The following INPP4A variants were observed in gnomAD, a reference collection of about 807,000 sequenced individuals.
The protein encoded by INPP4A is inositol polyphosphate-4-phosphatase type I A.
In INPP4A, 33 loss-of-function variants were observed where a neutral mutation model predicts 119.8. The ratio of observed to expected loss-of-function variants is 0.28; its 90% CI spans 0.21 to 0.37. The LOEUF is 0.37. INPP4A is among the 10% of genes least tolerant of loss of function. The pLI, the probability that INPP4A is intolerant of heterozygous loss-of-function variation, is 1.00. For synonymous variants in INPP4A, 496 were observed against 500.7 expected (o/e 0.99, Z 0.12); for missense variants, 956 against 1,289.9 (o/e 0.74, Z 3.97).
chr2:98,505,439 T>C (rs974391611), intron 1 of INPP4A, among the ~76,000 whole-genome samples: 17 of 152,198 alleles, frequency 1.1e-4, no homozygotes, highest in Non-Finnish European at 2.4e-4. Flanking sequence ...CTGCAGTGCT[T>C]CCTTGTTGAA....
In INPP4A at chr2:98,591,682, T is replaced by TAC. The variant is rs1700411359; in HGVS notation, c.*4074_*4075insAC. 1 of 152,232 alleles carries TAC rather than the reference T, an allele frequency of 6.6e-6. No homozygotes were observed. Among genetic ancestry groups the TAC allele is most frequent in the Admixed American group, 6.5e-5 (1 of 15,276 alleles). 9.4% of individuals were successfully genotyped at this position (152,232 alleles called of 1,614,324 possible). On this transcript the variant is annotated 3_prime_UTR_variant, in exon 25 of 25. Transcript: ENST00000409851. ...TGGCTGCCCAGATCTAGGGGAGTTG[T>TAC]CCCAGGGAGGCTTTGCGCTGGAGGA...
At chr2:98,467,890 A>G (rs1675130412) in intron 1 of INPP4A, among the ~76,000 whole-genome samples, 4 of 152,138 alleles carry the variant, frequency 2.6e-5, no homozygotes, top group Non-Finnish European at 5.9e-5. Context: ...ATAGTTATTT[A>G]TTTCTTGGGA....
At chr2:98,498,090 A>G (rs534376044) in intron 1 of INPP4A, among the ~76,000 whole-genome samples, 3 of 152,258 alleles carry the variant, frequency 2.0e-5, no homozygotes, top group African/African-American at 7.2e-5. Context: ...TTGGGAAGGC[A>G]TGATTGGTTT....
At chr2:98,446,109 A>G (rs1280347354) in intron 1 of INPP4A, among the ~76,000 whole-genome samples, 1 of 152,194 alleles carries the variant, frequency 6.6e-6, no homozygotes, top group Non-Finnish European at 1.5e-5. Flanking sequence ...GGTGTGAATC[A>G]TGGTTCTGCC....
chr2:98,456,496 G>A (rs1336443827), intron 1 of INPP4A, among the ~76,000 whole-genome samples: 1 of 151,792 alleles, frequency 6.6e-6, no homozygotes, highest in Admixed American at 6.6e-5. Flanking sequence ...ACCACACTTG[G>A]CTAATTTTTA....
chr2:98,505,554 CTG>C (rs1424809232), intron 1 of INPP4A, among the ~76,000 whole-genome samples: 1 of 152,218 alleles, frequency 6.6e-6, no homozygotes, highest in African/African-American at 2.4e-5. Context: ...ACAGCGGTGA[CTG>C]TTTCTCAAAA....
rs200658332 is a variant in INPP4A, at chr2:98,529,076, C to CAA, written c.152-4283_152-4282dup. On this transcript the variant is annotated intron_variant, in intron 4 of 24. Transcript: ENST00000409851. ...CCTGGGCAACAGAGCGAGACTGTCT[C>CAA]AAAAAAAAAAAAAAAAAAATTTCTA... 1.6e-3 allele frequency among the ~76,000 whole-genome samples: 150 copies of CAA among 94,906 alleles called. 1 individual carries two copies. The highest frequency in any genetic ancestry group is 5.6e-3 in the African/African-American group (138 of 24,464). 62.3% of individuals were successfully genotyped at this position (94,906 alleles called of 152,430 possible).
intron 1 of INPP4A, among the ~76,000 whole-genome samples, chr2:98,471,538 A>G (rs1468553617): frequency 6.6e-6 from 1 of 152,120 alleles, no homozygotes; most frequent in Non-Finnish European, 1.5e-5. Context: ...TTGCTTTTGA[A>G]CAGAAGTCTG....
chr2:98,459,236 G>A (rs1178480803), intron 1 of INPP4A, among the ~76,000 whole-genome samples: 1 of 152,210 alleles, frequency 6.6e-6, no homozygotes, highest in Admixed American at 6.5e-5. Flanking sequence ...CCTGCACCTG[G>A]GAAAATCAGC....
intron 1 of INPP4A, among the ~76,000 whole-genome samples, chr2:98,481,891 C>G (rs554727394): frequency 9.2e-5 from 14 of 152,360 alleles, no homozygotes; most frequent in African/African-American, 3.1e-4. Context: ...CTCAGCAGCA[C>G]CTTTGCCTCT....
chr2:98,548,496 C>T (rs2106134344), intron 13 of INPP4A, among the ~76,000 whole-genome samples: 1 of 152,254 alleles, frequency 6.6e-6, no homozygotes, highest in Middle Eastern at 3.4e-3. Context: ...GAAGGAGAAC[C>T]CATAGTAACT....
intron 1 of INPP4A, among the ~76,000 whole-genome samples, chr2:98,489,792 G>A (rs1168486105): frequency 6.6e-6 from 1 of 152,078 alleles, no homozygotes; most frequent in Admixed American, 6.5e-5. Flanking sequence ...ACGAAGTAGG[G>A]CACCTTTAAC....
At chr2:98,468,441 G>A (rs1037862864) in intron 1 of INPP4A, among the ~76,000 whole-genome samples, 1 of 151,940 alleles carries the variant, frequency 6.6e-6, no homozygotes, top group Non-Finnish European at 1.5e-5. Flanking sequence ...GTCTTGCTTT[G>A]TTACCCAGGG....
intron 1 of INPP4A, among the ~76,000 whole-genome samples, chr2:98,469,210 G>A (rs971100633): frequency 6.6e-6 from 1 of 152,100 alleles, no homozygotes; most frequent in African/African-American, 2.4e-5. Flanking sequence ...TTAGAACCCA[G>A]CCTCCTGGCT....
rs527555818 is a variant in INPP4A at position 98,511,323 on chromosome 2, G to T, written c.-165-7641G>T. Among the ~76,000 whole-genome samples the T allele has an allele frequency of 3.9e-5, 6 of 152,326 alleles. No homozygotes were observed. In the South Asian group the frequency reaches 1.2e-3, roughly 32 times the overall value. ...TCTGCCTGCCTTGGCCTCCCAAAGT[G>T]CTGGGATTACTGGGCCCCTGTGCTT... is the stretch of plus-strand genomic sequence containing the variant. On this transcript the variant is annotated intron_variant, in intron 1 of 24. Coordinates refer to ENST00000409851, the MANE Select transcript of INPP4A (RefSeq NM_001134225.2).
chr2:98,584,556 GAC>G (rs1699735295), intron 24 of INPP4A, among the ~76,000 whole-genome samples: 1 of 152,280 alleles, frequency 6.6e-6, no homozygotes, highest in South Asian at 2.1e-4. Flanking sequence ...GGGCCTCAAG[GAC>G]ACCACGGCCT....
intron 23 of INPP4A, 82 bp downstream of exon 23, chr2:98,573,009 T>C (rs1697756847): frequency 3.7e-6 from 4 of 1,082,194 alleles, no homozygotes; most frequent in Non-Finnish European, 5.5e-6. Context: ...AAGTAGAATC[T>C]CAGCAGGAGA....
intron 13 of INPP4A, among the ~76,000 whole-genome samples, chr2:98,547,793 C>G (rs1376389362): frequency 6.6e-6 from 1 of 151,846 alleles, no homozygotes; most frequent in East Asian, 1.9e-4. Flanking sequence ...GGTGGGGCTG[C>G]AGAGAGATGT....
intron 10 of INPP4A, among the ~76,000 whole-genome samples, 169 bp from the exon 11 acceptor site, chr2:98,543,708 C>G (rs1009113669): frequency 2.6e-5 from 4 of 152,228 alleles, no homozygotes; most frequent in Non-Finnish European, 5.9e-5. Context: ...TGTCTGTCCT[C>G]TCCTCCAACC....
Sources: allele counts gnomAD v4.1 joint callset (sites outside exome capture counted in the v4.1 genomes callset), GRCh38; gene constraint gnomAD v4.1.1; transcripts MANE v1.5; gene names NCBI Gene and HGNC (gene_info 2026-07-23, HGNC 2026-07-21).